The following MICAL3 variants were observed in gnomAD, a reference collection of about 807,000 sequenced individuals.
MICAL3 encodes the protein [F-actin]-monooxygenase MICAL3.
Under a neutral mutation model 207.4 loss-of-function variants are expected in MICAL3, and 62 were observed. The observed-to-expected ratio is 0.30, with a 90% confidence interval of 0.24 to 0.37. The LOEUF (loss-of-function observed/expected upper bound fraction) is 0.37. Among genes scored for constraint, MICAL3 ranks in the 10% least tolerant of loss-of-function variants. MICAL3 has a pLI of 1.00. For synonymous variants in MICAL3, 1,077 were observed against 1,069.3 expected (o/e 1.01, Z -0.14); for missense variants, 2,368 against 2,635.6 (o/e 0.90, Z 2.22).
chr22:17,877,511 T>TAGGGAGGTG (rs1928913767), intron 16 of MICAL3, among the ~76,000 whole-genome samples: 1 of 62,592 alleles, frequency 1.6e-5, no homozygotes, highest in Non-Finnish European at 3.3e-5. Flanking sequence ...TTATGGAGGT[T>TAGGGAGGTG]AGGGAGGTTA....
chr22:17,993,181 A>G lies in MICAL3; in HGVS notation c.-75+31100T>C, dbSNP rs1183754791. Among the ~76,000 whole-genome samples the G allele has an allele frequency of 2.0e-5, 3 of 152,284 alleles. No individual in the cohort carries two copies. In the East Asian group the frequency reaches 5.8e-4, roughly 29 times the overall value. ...GAATGACTCTGACTACTCATGGCCA[A>G]ACTGGGTAAAAGGTTCTGTTCCATA... On this transcript the variant is annotated intron_variant, in intron 1 of 31. Transcript: ENST00000441493.
intron 17 of MICAL3, among the ~76,000 whole-genome samples, chr22:17,869,408 C>T (rs549150803): frequency 6.6e-6 from 1 of 152,122 alleles, no homozygotes; most frequent in African/African-American, 2.4e-5. Flanking sequence ...AGGCTCATCA[C>T]TGACGAGGGC....
intron 1 of MICAL3, among the ~76,000 whole-genome samples, chr22:17,941,823 G>C (rs1286150320): frequency 6.6e-6 from 1 of 152,180 alleles, no homozygotes; most frequent in African/African-American, 2.4e-5. Context: ...ATCTGTGATG[G>C]CCTGGGGCAG....
chr22:17,915,153 C>T (rs1187581322), intron 1 of MICAL3, among the ~76,000 whole-genome samples: 3 of 152,360 alleles, frequency 2.0e-5, no homozygotes, highest in East Asian at 1.9e-4. Context: ...TCTATAACGT[C>T]GGTGCAGAAG....
chr22:17,910,271 A>C (rs1165024367), intron 1 of MICAL3, among the ~76,000 whole-genome samples: 1 of 152,144 alleles, frequency 6.6e-6, no homozygotes, highest in Non-Finnish European at 1.5e-5. Context: ...TCCCAAGAAG[A>C]GTTCTTACGT....
At chr22:17,837,254 A>G (rs1923495474) in intron 20 of MICAL3, among the ~76,000 whole-genome samples, 1 of 152,382 alleles carries the variant, frequency 6.6e-6, no homozygotes, top group South Asian at 2.1e-4. Context: ...ATCCCCATTT[A>G]TTCATGGCCA....
At chr22:17,888,519 T>C (rs2146225487) in intron 13 of MICAL3, among the ~76,000 whole-genome samples, 1 of 152,180 alleles carries the variant, frequency 6.6e-6, no homozygotes, top group Non-Finnish European at 1.5e-5. Context: ...GGAGACAAGA[T>C]AATTCCACGA....
At chr22:17,997,541 C>T (rs1922428519) in intron 1 of MICAL3, among the ~76,000 whole-genome samples, 1 of 152,182 alleles carries the variant, frequency 6.6e-6, no homozygotes, top group Admixed American at 6.5e-5. Flanking sequence ...CCCCACCTCC[C>T]ATCAGACCTG....
chr22:17,999,231 T>C (rs1407522006), intron 1 of MICAL3, among the ~76,000 whole-genome samples: 1 of 152,224 alleles, frequency 6.6e-6, no homozygotes, highest in Non-Finnish European at 1.5e-5. Flanking sequence ...TGCTCTTCTG[T>C]ACTGAATGGT....
intron 19 of MICAL3, chr22:17,863,106 G>A (rs1926691435): frequency 1.0e-6 from 1 of 985,210 alleles, no homozygotes. Context: ...TAATTCTTTA[G>A]AACTCCTAAA....
At chr22:17,879,271 C>T (rs1001253129) in intron 16 of MICAL3, 36 of 1,334,332 alleles carry the variant, frequency 2.7e-5, no homozygotes, top group African/African-American at 8.8e-5. Context: ...TATCCCTTCC[C>T]GCTGCCCCAC....
chr22:17,801,761 G>A (rs537651975), intron 29 of MICAL3, among the ~76,000 whole-genome samples: 1 of 152,052 alleles, frequency 6.6e-6, no homozygotes, highest in Non-Finnish European at 1.5e-5. Context: ...GGGTGGGGTG[G>A]TGGGTACCCG....
At chr22:17,948,109 G>A (rs1412375461) in intron 1 of MICAL3, among the ~76,000 whole-genome samples, 1 of 152,164 alleles carries the variant, frequency 6.6e-6, no homozygotes, top group African/African-American at 2.4e-5. Context: ...AGATGCCTGT[G>A]TCATCCACCT....
rs1180118418 is a variant in MICAL3, at chr22:17,860,714, C to CG, written c.2605+4184dup. The CG allele has an allele frequency of 1.0e-5, 10 of 985,416 alleles. No individual in the cohort carries two copies. In the East Asian group the frequency reaches 9.1e-4, roughly 90 times the overall value. The allele number at this position is 985,416 out of a possible 1,614,324, so 61.0% of individuals were successfully genotyped here. On this transcript the variant is annotated intron_variant, in intron 19 of 31. Transcript: ENST00000441493. ...GTGTCCTGGCAGCAGCAGCCCCCTGCGTTCCTAGTCTGCTCTTGGGGCCCT... is the reference window on the plus strand; with the variant it reads ...GTGTCCTGGCAGCAGCAGCCCCCTGCGGTTCCTAGTCTGCTCTTGGGGCCCT...
chr22:17,979,030 G>A (rs1220839493), intron 1 of MICAL3, among the ~76,000 whole-genome samples: 1 of 151,110 alleles, frequency 6.6e-6, no homozygotes, highest in Non-Finnish European at 1.5e-5. Context: ...ACAAAACTTA[G>A]CTGGGTGTGG....
chr22:17,901,105 G>A (rs1452478919), intron 5 of MICAL3, 108 bp from the exon 6 acceptor site: 3 of 1,033,038 alleles, frequency 2.9e-6, no homozygotes, highest in Non-Finnish European at 2.9e-6. Context: ...TCAGGGATGA[G>A]AACTGATGGG....
rs74427138 is a variant in MICAL3, at chr22:17,847,556, G to A, written c.2606-5539C>T. The stretch of plus-strand genomic sequence containing the variant: ...CCCTGGGGCAGCCCACATTCTGATA[G>A]CCTATGGGTGTCACCCATCTGCTAA... On this transcript the variant is annotated intron_variant, in intron 19 of 31. Coordinates refer to ENST00000441493, the MANE Select transcript of MICAL3 (RefSeq NM_015241.3). Among the ~76,000 whole-genome samples the A allele has an allele frequency of 1.6e-3, 247 of 152,348 alleles. 1 individual carries two copies. The highest frequency in any genetic ancestry group is 5.7e-3 in the African/African-American group (239 of 41,584).
At chr22:17,962,796 G>A (rs1309020355) in intron 1 of MICAL3, among the ~76,000 whole-genome samples, 5 of 150,454 alleles carry the variant, frequency 3.3e-5, no homozygotes, top group Non-Finnish European at 7.4e-5. Flanking sequence ...TGTATCCTGT[G>A]AAAGGGCAGG....
At chr22:17,911,206 C>G (rs2146277855) in intron 1 of MICAL3, among the ~76,000 whole-genome samples, 1 of 152,198 alleles carries the variant, frequency 6.6e-6, no homozygotes, top group East Asian at 1.9e-4. Context: ...GGTTATGTTT[C>G]TATTTATAAC....
Sources: allele counts gnomAD v4.1 joint callset (sites outside exome capture counted in the v4.1 genomes callset), GRCh38; gene constraint gnomAD v4.1.1; transcripts MANE v1.5; gene names NCBI Gene and HGNC (gene_info 2026-07-23, HGNC 2026-07-21).